DYNC2H1: variants seen among roughly 807,000 people sequenced by gnomAD.
The protein encoded by DYNC2H1 is dynein cytoplasmic 2 heavy chain 1.
Under a neutral mutation model 570.0 loss-of-function variants are expected in DYNC2H1, and 410 were observed. That is an observed-to-expected ratio of 0.72 (90% CI 0.66 to 0.78). DYNC2H1 has a LOEUF of 0.78. Ranked by LOEUF, DYNC2H1 falls within the 30% of genes least tolerant of loss-of-function variation. DYNC2H1 has a pLI of 0.00. For synonymous variants in DYNC2H1, 1,688 were observed against 1,677.6 expected (o/e 1.01, Z -0.15); for missense variants, 4,865 against 5,046.4 (o/e 0.96, Z 1.09).
In DYNC2H1 at chr11:103,117,749, G is replaced by A. The variant is rs560397340; in HGVS notation, c.885G>A (p.Val295=). 6.2e-7 allele frequency: 1 copy of A among 1,613,538 alleles called. No homozygotes were observed. Among genetic ancestry groups the A allele is most frequent in the South Asian group, 1.1e-5 (1 of 91,038 alleles). Residue 295 remains valine (V), a synonymous_variant, in exon 6 of 89, where the codon GTG becomes GTA. Coordinates refer to ENST00000375735, the MANE Select transcript of DYNC2H1 (RefSeq NM_001377.3). ...KAGISICEQW[V]IVCNHLTGQV... ...GTATTTCAATTTGTGAACAGTGGGT[G>A]ATAGTCTGTAATCATCTAACAGGTC...
At chr11:103,298,851 T>C (rs1245396476) in intron 75 of DYNC2H1, among the ~76,000 whole-genome samples, 1 of 152,150 alleles carries the variant, frequency 6.6e-6, no homozygotes, top group Non-Finnish European at 1.5e-5. Flanking sequence ...GTTAAAAAGA[T>C]GTATTTATGA....
At chr11:103,302,857 T>C (rs1591546701) in intron 75 of DYNC2H1, among the ~76,000 whole-genome samples, 1 of 152,126 alleles carries the variant, frequency 6.6e-6, no homozygotes, top group South Asian at 2.1e-4. Flanking sequence ...CTCATAGCAT[T>C]GTAATAAGAA....
chr11:103,358,557 T>A (rs1252388119), intron 83 of DYNC2H1, among the ~76,000 whole-genome samples, 198 bp downstream of exon 83: 1 of 152,190 alleles, frequency 6.6e-6, no homozygotes, highest in Admixed American at 6.5e-5. Flanking sequence ...ATGAAATAGA[T>A]CTTTCCTTAT....
In DYNC2H1 at chr11:103,479,427, A is replaced by C; in HGVS notation, c.*174A>C. 1 of 560,086 alleles carries C rather than the reference A, an allele frequency of 1.8e-6. No individual in the cohort carries two copies. The highest frequency in any genetic ancestry group is 2.8e-6 in the Non-Finnish European group (1 of 360,236). 34.7% of individuals were successfully genotyped at this position (560,086 alleles called of 1,614,324 possible). A position where few individuals can be genotyped will look rare whatever the true frequency, so the allele number is the denominator to read the frequency against. On this transcript the variant is annotated 3_prime_UTR_variant, in exon 89 of 89. Coordinates refer to ENST00000375735, the MANE Select transcript of DYNC2H1 (RefSeq NM_001377.3). The stretch of plus-strand genomic sequence containing the variant: ...TAAAAGCAGCACTGTGCATCTTTTA[A>C]AGTAATAAATTAATGGAGTTATTGT...
intron 73 of DYNC2H1, among the ~76,000 whole-genome samples, chr11:103,284,170 G>A (rs1866258327): frequency 6.6e-6 from 1 of 152,092 alleles, no homozygotes; most frequent in African/African-American, 2.4e-5. Context: ...CATTAGGTTG[G>A]TTTAGCCAGA....
chr11:103,123,037 CA>C, intron 11 of DYNC2H1, 37 bp downstream of exon 11: 1 of 1,281,402 alleles, frequency 7.8e-7, no homozygotes. Context: ...AATCCAAAAC[CA>C]TATGTTATTA....
At chr11:103,137,310 GTCCTGAAT>G (rs1859620760) in intron 17 of DYNC2H1, among the ~76,000 whole-genome samples, 1 of 147,854 alleles carries the variant, frequency 6.8e-6, no homozygotes, top group South Asian at 2.2e-4. Context: ...CCATGCCTAT[GTCCTGAAT>G]GGTAATGCCT....
chr11:103,210,039 A>C, intron 53 of DYNC2H1, 79 bp downstream of exon 53: 8 of 1,321,196 alleles, frequency 6.1e-6, no homozygotes, highest in Non-Finnish European at 7.8e-6. Context: ...AGATCCATTA[A>C]AGATTCATGA....
intron 6 of DYNC2H1, 25 bp from the exon 7 acceptor site, chr11:103,120,422 C>T: frequency 1.3e-6 from 2 of 1,557,360 alleles, no homozygotes; most frequent in East Asian, 2.3e-5. Context: ...TAAATAAATT[C>T]TGTTGTTTTA....
chr11:103,177,855 G>A lies in DYNC2H1; in HGVS notation c.6139+35G>A, dbSNP rs1239481724. On this transcript the variant is annotated intron_variant, in intron 38 of 88. Transcript: ENST00000375735. This position sits in a 1 kb window ranked among gnomAD's most constrained non-coding sequence, Gnocchi z 4.4. The stretch of plus-strand genomic sequence containing the variant: ...TATGTATACTTCTTTGCTTTACTTA[G>A]TAATTCTTAGATAATGATATAATTT... The A allele has an allele frequency of 5.1e-6, 8 of 1,563,444 alleles. No individual in the cohort carries two copies. The Admixed American group carries it at 8.7e-5, about 17-fold the overall frequency.
Position 103,116,593 on chromosome 11 carries a change from A to C in DYNC2H1, c.645A>C (p.Leu215=), listed in dbSNP as rs116666272. The C allele has an allele frequency of 6.2e-7, 1 of 1,606,966 alleles. No homozygotes were observed. Among genetic ancestry groups the C allele is most frequent in the South Asian group, 1.1e-5 (1 of 89,846 alleles). Residue 215 remains leucine, a synonymous_variant, in exon 5 of 89, where the codon CTA becomes CTC. Coordinates refer to ENST00000375735, the MANE Select transcript of DYNC2H1 (RefSeq NM_001377.3). Reference sequence around the variant, plus strand: ...AGGAGTTTTATAACTTGGACAGTCTATCCTTACTAGAAGTTGTTGACTTGG... The same window carrying C: ...AGGAGTTTTATAACTTGGACAGTCTCTCCTTACTAGAAGTTGTTGACTTGG... The part of the protein sequence containing the change: ...IAREFYNLDS[L]SLLEVVDLVE...
chr11:103,244,830 A>G lies in DYNC2H1; in HGVS notation c.9919-421A>G, dbSNP rs527308680. 6.6e-6 allele frequency among the ~76,000 whole-genome samples: 1 copy of G among 150,656 alleles called. No individual in the cohort carries two copies. Among genetic ancestry groups the G allele is most frequent in the African/African-American group, 2.4e-5 (1 of 41,256 alleles). Reference sequence around the variant, plus strand: ...TAGTTATAGACATATAAGTAACTATATAGTTACTTTTATATATATGTACAC... The same window carrying G: ...TAGTTATAGACATATAAGTAACTATGTAGTTACTTTTATATATATGTACAC... On this transcript the variant is annotated intron_variant, in intron 64 of 88. Transcript: ENST00000375735. The surrounding 1 kb of genome is among the most constrained non-coding windows in gnomAD (Gnocchi z 4.3).
chr11:103,280,953 G>C lies in DYNC2H1; in HGVS notation c.10761+540G>C, dbSNP rs907362809. On this transcript the variant is annotated intron_variant, in intron 71 of 88. Coordinates refer to ENST00000375735, the MANE Select transcript of DYNC2H1 (RefSeq NM_001377.3). This position sits in a 1 kb window ranked among gnomAD's most constrained non-coding sequence, Gnocchi z 4.7. ...CTCAAACTTTAAAAGGACCTCCCTT[G>C]AGCTGGAGCTAACGAGACCATTTCT... Among the ~76,000 whole-genome samples, 1 of 151,824 alleles carries C rather than the reference G, an allele frequency of 6.6e-6. No homozygotes were observed. The highest frequency in any genetic ancestry group is 1.5e-5 in the Non-Finnish European group (1 of 67,898).
At chr11:103,215,588 C>A in intron 54 of DYNC2H1, 133 bp from the exon 55 acceptor site, 1 of 785,634 alleles carries the variant, frequency 1.3e-6, no homozygotes, top group Non-Finnish European at 1.8e-6. Flanking sequence ...AAGAAAAAAC[C>A]TAAGTCTACT....
intron 4 of DYNC2H1, 45 bp from the exon 5 acceptor site, chr11:103,116,525 G>C: frequency 6.9e-7 from 1 of 1,455,850 alleles, no homozygotes; most frequent in Non-Finnish European, 9.3e-7. Flanking sequence ...TATTACCCAA[G>C]GTACAAATAT....
intron 81 of DYNC2H1, among the ~76,000 whole-genome samples, chr11:103,322,428 CAG>C (rs1938257649): frequency 6.6e-6 from 1 of 152,056 alleles, no homozygotes; most frequent in East Asian, 1.9e-4. Flanking sequence ...GGTCAAGAAA[CAG>C]AGTATTATTA....
At position 103,280,679 on chromosome 11, in the gene DYNC2H1, C is replaced by A. The variant is rs1442896208; in HGVS notation, c.10761+266C>A. On this transcript the variant is annotated intron_variant, in intron 71 of 88. Coordinates refer to ENST00000375735, the MANE Select transcript of DYNC2H1 (RefSeq NM_001377.3). This position sits in a 1 kb window ranked among gnomAD's most constrained non-coding sequence, Gnocchi z 4.7. ...TGAACCCAAGTTCACTTACTTAGGG[C>A]AACAGAAGAGTCAGCCTTCTTCTTT... is the stretch of plus-strand genomic sequence containing the variant. Among the ~76,000 whole-genome samples, 2 of 152,046 alleles carry A rather than the reference C, an allele frequency of 1.3e-5. No homozygotes were observed. The highest frequency in any genetic ancestry group is 4.8e-5 in the African/African-American group (2 of 41,412).
intron 28 of DYNC2H1, among the ~76,000 whole-genome samples, chr11:103,159,918 C>T (rs1861014919): frequency 6.6e-6 from 1 of 152,022 alleles, no homozygotes; most frequent in African/African-American, 2.4e-5. Flanking sequence ...GTTGTCTATA[C>T]CTTTCATGCT....
intron 78 of DYNC2H1, among the ~76,000 whole-genome samples, chr11:103,310,472 A>G (rs1228968899): frequency 1.3e-5 from 2 of 151,920 alleles, no homozygotes; most frequent in Admixed American, 6.6e-5. Flanking sequence ...AGGATTTATT[A>G]ATTTGTATGA....
Sources: gnomAD v4.1 joint callset for allele counts (sites outside exome capture counted in the v4.1 genomes callset) on GRCh38, gnomAD v4.1.1 for gene constraint, Gnocchi (gnomAD v3.1) non-coding constraint, MANE v1.5 for transcripts, NCBI Gene and HGNC (gene_info 2026-07-23, HGNC 2026-07-21) for gene names.